Variants in SMN1 observed in about 807,000 individuals in gnomAD.
The protein encoded by SMN1 is survival of motor neuron 1, telomeric, also known as survival motor neuron protein.
For synonymous variants in SMN1, 3 were observed against 5.1 expected, an observed-to-expected ratio of 0.58 and a Z score of 0.56; for missense variants, 15 against 17.1, an observed-to-expected ratio of 0.88 and a Z score of 0.22.
At chr5:70,960,839 G>A in the SMN1 span, among the ~76,000 whole-genome samples, 8 of 149,500 alleles carry the variant, frequency 5.4e-5, no homozygotes, top group East Asian at 2.0e-4. Flanking sequence ...GGGATTATAG[G>A]CACCCGCCAC....
At chr5:70,955,355 C>G, downstream of SMN1, among the ~76,000 whole-genome samples, 1 of 145,388 alleles carries the variant, frequency 6.9e-6, no homozygotes, top group African/African-American at 2.5e-5. Flanking sequence ...ATTCTCCCAC[C>G]TCGGGCTCCC....
chr5:70,952,263 A>G lies in SMN1; in HGVS notation c.*4-176A>G, dbSNP rs1749789416. ...GAGCTTTAGGATATGATGCCATTTT[A>G]TATCACTAGTAGGCAGACCAGCAGA... On this transcript the variant is annotated intron_variant, in intron 8 of 8. Coordinates refer to ENST00000380707, the MANE Select transcript of SMN1 (RefSeq NM_000344.4). The G allele has an allele frequency of 1.4e-5, 20 of 1,454,776 alleles. No homozygotes were observed. The South Asian group carries it at 3.0e-4, about 22-fold the overall frequency. The allele number at this position is 1,454,776 out of a possible 1,614,324, so 90.1% of individuals were successfully genotyped here.
At chr5:70,963,878 CTTTT>C in the SMN1 span, among the ~76,000 whole-genome samples, 21,836 of 68,812 alleles carry the variant, frequency 0.32, 4,320 homozygotes, top group East Asian at 0.51. Flanking sequence ...AAGTTTCAAA[CTTTT>C]TTTTTTTTTT....
downstream of SMN1, among the ~76,000 whole-genome samples, chr5:70,955,260 C>T (rs1329517036): frequency 1.4e-5 from 2 of 140,928 alleles, no homozygotes; most frequent in East Asian, 4.5e-4. Context: ...ACAAGAGCAA[C>T]TCTGCTTCTG....
chr5:70,951,519 A>G (rs949361516), intron 7 of SMN1, among the ~76,000 whole-genome samples: 14 of 150,748 alleles, frequency 9.3e-5, no homozygotes, highest in African/African-American at 3.2e-4. Flanking sequence ...AGGTGATCCA[A>G]CTGTCTCGGC....
At chr5:70,960,396 G>C in the SMN1 span, among the ~76,000 whole-genome samples, 2 of 149,672 alleles carry the variant, frequency 1.3e-5, no homozygotes, top group African/African-American at 2.4e-5. Flanking sequence ...ACCTTATCCA[G>C]ATATTCCCAG....
At chr5:70,955,084 A>G, downstream of SMN1, among the ~76,000 whole-genome samples, 1 of 141,380 alleles carries the variant, frequency 7.1e-6, no homozygotes, top group East Asian at 2.1e-4. Flanking sequence ...ATGGTGGTGC[A>G]TGCCTGTAGT....
intron 1 of SMN1, among the ~76,000 whole-genome samples, chr5:70,928,295 T>A (rs1580884973): frequency 2.4e-4 from 1 of 4,188 alleles, no homozygotes. Context: ...AATGAGACTC[T>A]GCCTCAAAAA....
At chr5:70,956,258 TC>T (rs1345666962), downstream of SMN1, among the ~76,000 whole-genome samples, 1 of 146,754 alleles carries the variant, frequency 6.8e-6, no homozygotes, top group Non-Finnish European at 1.5e-5. Context: ...AAAAATTTTC[TC>T]CCATTTTGTA....
At chr5:70,959,473 C>G in the SMN1 span, among the ~76,000 whole-genome samples, 1 of 113,474 alleles carries the variant, frequency 8.8e-6, no homozygotes, top group African/African-American at 3.0e-5. Flanking sequence ...CTTTTAAGCA[C>G]TTACAGGATA....
chr5:70,959,557 G>C, the SMN1 span, among the ~76,000 whole-genome samples: 2 of 94,814 alleles, frequency 2.1e-5, no homozygotes, highest in African/African-American at 7.1e-5. Flanking sequence ...CTAATCATTT[G>C]TTATTTAATA....
At chr5:70,960,395 A>C in the SMN1 span, among the ~76,000 whole-genome samples, 2 of 149,762 alleles carry the variant, frequency 1.3e-5, no homozygotes, top group East Asian at 4.0e-4. Context: ...AACCTTATCC[A>C]GATATTCCCA....
intron 8 of SMN1, 137 bp downstream of exon 8, chr5:70,952,131 A>G (rs1749783622): frequency 6.7e-6 from 10 of 1,498,834 alleles, no homozygotes; most frequent in Non-Finnish European, 8.9e-6. Context: ...TCAATATTAA[A>G]GAATTTTGAT....
chr5:70,955,479 T>TA (rs1209136247), downstream of SMN1, among the ~76,000 whole-genome samples: 1 of 142,488 alleles, frequency 7.0e-6, no homozygotes, highest in African/African-American at 2.6e-5. Flanking sequence ...TGTGAATTTT[T>TA]AAAAAACATG....
At chr5:70,953,487 CATTAT>C (rs1749843926), downstream of SMN1, 1 of 36,260 alleles carries the variant, frequency 2.8e-5, no homozygotes, top group Admixed American at 4.5e-4. Flanking sequence ...TAGCTTTTCA[CATTAT>C]ATTATGTTTA....
rs1377623103 is a variant in SMN1 at position 70,950,237 on chromosome 5, G to C, written c.835-1704G>C. Among the ~76,000 whole-genome samples, 4 of 146,954 alleles carry C rather than the reference G, an allele frequency of 2.7e-5. No individual in the cohort carries two copies. The East Asian group carries it at 8.3e-4, about 30-fold the overall frequency. On this transcript the variant is annotated intron_variant, in intron 7 of 8. Coordinates refer to ENST00000380707, the MANE Select transcript of SMN1 (RefSeq NM_000344.4). ...GTTCCAGATCAGCCTGACCAACATG[G>C]AGAAACCCTGTCTCTACTAAAAATA...
chr5:70,959,361 C>G, the SMN1 span, among the ~76,000 whole-genome samples: 3 of 148,760 alleles, frequency 2.0e-5, no homozygotes, highest in African/African-American at 7.3e-5. Flanking sequence ...ACATATGTAA[C>G]TAACCTGCAC....
chr5:70,958,803 G>A (rs1333560095), downstream of SMN1, among the ~76,000 whole-genome samples: 2 of 149,726 alleles, frequency 1.3e-5, 1 homozygote, highest in African/African-American at 4.9e-5. Flanking sequence ...GATGTGGGGT[G>A]GAGAGTTCTG....
intron 7 of SMN1, among the ~76,000 whole-genome samples, chr5:70,951,335 T>C (rs1454918592): frequency 6.6e-6 from 1 of 151,314 alleles, no homozygotes; most frequent in Non-Finnish European, 1.5e-5. Context: ...TGCAGTGGTG[T>C]AAATCTCAGC....
Sources: gnomAD v4.1 joint callset for allele counts (sites outside exome capture counted in the v4.1 genomes callset) on GRCh38, gnomAD v4.1.1 for gene constraint, MANE v1.5 for transcripts, NCBI Gene and HGNC (gene_info 2026-07-23, HGNC 2026-07-21) for gene names.